PRMT8: variants seen among roughly 807,000 people sequenced by gnomAD.
The protein encoded by PRMT8 is protein arginine methyltransferase 8, also known as protein arginine N-methyltransferase 8.
PRMT8 carries 7 observed loss-of-function variants against 47.1 expected under a neutral mutation model. That is an observed-to-expected ratio of 0.15 (90% CI 0.08 to 0.28). The LOEUF is 0.28. Ranked by LOEUF, PRMT8 falls within the 10% of genes least tolerant of loss-of-function variation. PRMT8 has a pLI of 1.00. For synonymous variants in PRMT8, 188 were observed against 186.5 expected (o/e 1.01, Z -0.07); for missense variants, 237 against 505.4 (o/e 0.47, Z 5.09).
intron 1 of PRMT8, among the ~76,000 whole-genome samples, chr12:3,444,258 G>A (rs1864834390): frequency 6.6e-6 from 1 of 152,130 alleles, no homozygotes; most frequent in Admixed American, 6.5e-5. Flanking sequence ...AAACACTCCT[G>A]ACCTGCATGC....
exon 1 of PRMT8, chr12:3,381,385 G>A (rs1468364837): frequency 3.3e-6 from 5 of 1,536,040 alleles, no homozygotes; most frequent in Middle Eastern, 3.3e-4. Flanking sequence ...TTGAATGTGT[G>A]CCAGGTTGAA....
chr12:3,454,116 A>G (rs1864949459), intron 1 of PRMT8, among the ~76,000 whole-genome samples: 1 of 151,962 alleles, frequency 6.6e-6, no homozygotes, highest in Non-Finnish European at 1.5e-5. Context: ...GGCCCATCTG[A>G]CTTGGCTCTG....
intron 1 of PRMT8, among the ~76,000 whole-genome samples, chr12:3,517,215 C>A (rs1344844623): frequency 6.6e-6 from 1 of 152,148 alleles, no homozygotes; most frequent in African/African-American, 2.4e-5. Flanking sequence ...CTTGTAAAAT[C>A]GTCATTAAAA....
At chr12:3,447,661 T>C (rs1409372655) in intron 1 of PRMT8, among the ~76,000 whole-genome samples, 1 of 150,762 alleles carries the variant, frequency 6.6e-6, no homozygotes, top group Non-Finnish European at 1.5e-5. Flanking sequence ...CTACCACATG[T>C]CAAGCAAAAT....
intron 1 of PRMT8, among the ~76,000 whole-genome samples, chr12:3,425,673 G>C (rs187597581): frequency 2.0e-5 from 3 of 152,346 alleles, no homozygotes; most frequent in African/African-American, 7.2e-5. Flanking sequence ...TAATTGATCA[G>C]GTATTTCCCA....
intron 2 of PRMT8, among the ~76,000 whole-genome samples, chr12:3,545,531 C>G (rs1866312188): frequency 1.3e-5 from 2 of 152,202 alleles, no homozygotes; most frequent in African/African-American, 4.8e-5. Flanking sequence ...GAAGTGATGG[C>G]TGGGCTTCAG....
chr12:3,546,645 A>G (rs1866332610), intron 2 of PRMT8, among the ~76,000 whole-genome samples: 1 of 152,238 alleles, frequency 6.6e-6, no homozygotes, highest in Non-Finnish European at 1.5e-5. Flanking sequence ...GAAAGCTAAA[A>G]TAACCCTTTC....
At position 3,566,297 on chromosome 12, in the gene PRMT8, G is replaced by T. The variant is rs542953464; in HGVS notation, c.482-2409G>T. ...TATGAATTTTCTTAGTGCACCCTGG[G>T]CCCTGCTCTCAGTTGAGTTCCTGCC... is the stretch of plus-strand genomic sequence containing the variant. On this transcript the variant is annotated intron_variant, in intron 4 of 9. Transcript: ENST00000382622. This position sits in a 1 kb window ranked among gnomAD's most constrained non-coding sequence, Gnocchi z 4.7. 2.0e-5 allele frequency among the ~76,000 whole-genome samples: 3 copies of T among 152,182 alleles called. No individual in the cohort carries two copies. The highest frequency in any genetic ancestry group is 4.1e-4 in the South Asian group (2 of 4,820).
rs984323555 is a variant in PRMT8 at position 3,535,974 on chromosome 12, A to G, written c.76-4632A>G. 6.6e-6 allele frequency among the ~76,000 whole-genome samples: 1 copy of G among 152,090 alleles called. No individual in the cohort carries two copies. Among genetic ancestry groups the G allele is most frequent in the Non-Finnish European group, 1.5e-5 (1 of 68,000 alleles). On this transcript the variant is annotated intron_variant, in intron 1 of 9. Coordinates refer to ENST00000382622, the MANE Select transcript of PRMT8 (RefSeq NM_019854.5). The surrounding 1 kb of genome is among the most constrained non-coding windows in gnomAD (Gnocchi z 4.7). Reference sequence around the variant, plus strand: ...GAGGAGACCACTGTCATCCCCCAAGACCTATCCCCTGTGCTCCTCAAGTCT... The same window carrying G: ...GAGGAGACCACTGTCATCCCCCAAGGCCTATCCCCTGTGCTCCTCAAGTCT...
upstream of PRMT8, among the ~76,000 whole-genome samples, chr12:3,488,520 CCTT>C (rs1364533955): frequency 6.6e-6 from 1 of 152,186 alleles, no homozygotes; most frequent in Non-Finnish European, 1.5e-5. Context: ...ATGAAAATCT[CCTT>C]AAGAGTTCTA....
intron 1 of PRMT8, among the ~76,000 whole-genome samples, chr12:3,401,994 T>C (rs10082841): frequency 0.78 from 118,408 of 151,962 alleles, 46,398 homozygotes; most frequent in East Asian, 1. Context: ...AAAATTCATA[T>C]GGAACCAAAA....
chr12:3,398,262 G>T (rs1233026199), intron 1 of PRMT8, among the ~76,000 whole-genome samples: 1 of 152,088 alleles, frequency 6.6e-6, no homozygotes, highest in Non-Finnish European at 1.5e-5. Context: ...TGCAGGTAAT[G>T]GGGGGGCCTT....
At chr12:3,422,614 C>A (rs972857954) in intron 1 of PRMT8, among the ~76,000 whole-genome samples, 2 of 152,088 alleles carry the variant, frequency 1.3e-5, no homozygotes, top group Non-Finnish European at 2.9e-5. Context: ...CAGGACGGAA[C>A]AGAACAGAAC....
intron 1 of PRMT8, among the ~76,000 whole-genome samples, chr12:3,385,459 A>G (rs1431832374): frequency 6.6e-6 from 1 of 152,256 alleles, no homozygotes; most frequent in Non-Finnish European, 1.5e-5. Context: ...GAGGAATTAC[A>G]GAGGGAAGAT....
At position 3,409,692 on chromosome 12, in the gene PRMT8, C is replaced by T. The variant is rs1323167609; in HGVS notation, c.48+28250C>T. Among the ~76,000 whole-genome samples the T allele has an allele frequency of 6.6e-6, 1 of 152,160 alleles. No individual in the cohort carries two copies. Among genetic ancestry groups the T allele is most frequent in the Non-Finnish European group, 1.5e-5 (1 of 68,022 alleles). On this transcript the variant is annotated intron_variant, in intron 1 of 9. Coordinates refer to the PRMT8 transcript ENST00000452611. The surrounding 1 kb of genome is among the most constrained non-coding windows in gnomAD (Gnocchi z 4.4). ...TTTCCTGGGATGTGGGATGCCACATCAGCTCAGCCCTGGAAGATGCAGCTG... is the reference window on the plus strand; with the variant it reads ...TTTCCTGGGATGTGGGATGCCACATTAGCTCAGCCCTGGAAGATGCAGCTG...
rs1426924043 is a variant in PRMT8, at chr12:3,564,704, G to A, written c.482-4002G>A. Among the ~76,000 whole-genome samples the A allele has an allele frequency of 6.6e-6, 1 of 152,260 alleles. No individual in the cohort carries two copies. The highest frequency in any genetic ancestry group is 1.5e-5 in the Non-Finnish European group (1 of 68,042). The stretch of plus-strand genomic sequence containing the variant: ...GACCTCAGTGCAACCTTGAGTTGAT[G>A]CAGTTTTAGTGACTTGGGGTCCAGA... On this transcript the variant is annotated intron_variant, in intron 4 of 9. Transcript: ENST00000382622. The surrounding 1 kb of genome is among the most constrained non-coding windows in gnomAD (Gnocchi z 4.0).
chr12:3,381,551 T>A, intron 1 of PRMT8: 1 of 997,918 alleles, frequency 1.0e-6, no homozygotes, highest in Non-Finnish European at 1.5e-6. Context: ...CTTTGTCATC[T>A]GCAGAGCCTG....
intron 1 of PRMT8, among the ~76,000 whole-genome samples, chr12:3,464,809 C>A (rs901027027): frequency 1.3e-5 from 2 of 152,098 alleles, no homozygotes; most frequent in African/African-American, 4.8e-5. Flanking sequence ...CATAAACAGA[C>A]CTCATGGGAA....
At chr12:3,491,102 G>A (rs1591567549), upstream of PRMT8, 1 of 940,874 alleles carries the variant, frequency 1.1e-6, no homozygotes, top group Non-Finnish European at 1.3e-6. Flanking sequence ...GGCGCTGGGG[G>A]CCCTCGGTCT....
Sources: allele counts gnomAD v4.1 joint callset (sites outside exome capture counted in the v4.1 genomes callset), GRCh38; gene constraint gnomAD v4.1.1; non-coding constraint Gnocchi (gnomAD v3.1); transcripts MANE v1.5; gene names NCBI Gene and HGNC (gene_info 2026-07-23, HGNC 2026-07-21).